Variants in EPHA6 observed in about 807,000 individuals in gnomAD.
EPHA6 encodes the protein ephrin type-A receptor 6.
EPHA6 carries 50 observed loss-of-function variants against 112.0 expected under a neutral mutation model. The observed-to-expected ratio is 0.45, with a 90% CI of 0.36 to 0.56. EPHA6 has a LOEUF of 0.56. Among genes scored for constraint, EPHA6 ranks in the 20% least tolerant of loss-of-function variants. The pLI is 0.00. For synonymous variants in EPHA6, 529 were observed against 490.7 expected, an observed-to-expected ratio of 1.08 and a Z score of -1.03; for missense variants, 1,280 against 1,417.4, an observed-to-expected ratio of 0.90 and a Z score of 1.56.
At chr3:97,496,562 A>T (rs945444885) in intron 10 of EPHA6, among the ~76,000 whole-genome samples, 1 of 152,178 alleles carries the variant, frequency 6.6e-6, no homozygotes, top group Non-Finnish European at 1.5e-5. Context: ...CTTTATATTT[A>T]TGAAGCCATA....
chr3:96,841,286 C>T (rs1161159764), intron 1 of EPHA6, among the ~76,000 whole-genome samples: 2 of 152,120 alleles, frequency 1.3e-5, no homozygotes, highest in African/African-American at 4.8e-5. Context: ...GCATTTATCT[C>T]AGTGCATTAG....
intron 1 of EPHA6, among the ~76,000 whole-genome samples, chr3:96,822,199 T>A (rs1485992650): frequency 6.6e-6 from 1 of 151,978 alleles, no homozygotes; most frequent in African/African-American, 2.4e-5. Flanking sequence ...TTTAATGACA[T>A]CGTGGATGGA....
intron 3 of EPHA6, among the ~76,000 whole-genome samples, chr3:97,097,768 T>C (rs1276127353): frequency 6.6e-6 from 1 of 151,874 alleles, no homozygotes; most frequent in Non-Finnish European, 1.5e-5. Context: ...AATTTAATGC[T>C]AAGAAATGCT....
intron 5 of EPHA6, among the ~76,000 whole-genome samples, chr3:97,403,726 G>T (rs950026102): frequency 2.6e-5 from 4 of 152,178 alleles, no homozygotes; most frequent in African/African-American, 4.8e-5. Context: ...GATTACAGGC[G>T]TGAGCCACCG....
intron 3 of EPHA6, among the ~76,000 whole-genome samples, chr3:97,011,377 G>A (rs1175385127): frequency 1.3e-5 from 2 of 152,174 alleles, no homozygotes; most frequent in African/African-American, 4.8e-5. Context: ...GAAGAAAATT[G>A]AAACTGCCAT....
chr3:97,338,914 A>T (rs149177582), intron 5 of EPHA6, among the ~76,000 whole-genome samples: 3 of 152,264 alleles, frequency 2.0e-5, no homozygotes, highest in Non-Finnish European at 4.4e-5. Context: ...CTCAATCACC[A>T]CTGTGATTAT....
chr3:96,819,046 T>C (rs1576043918), intron 1 of EPHA6, among the ~76,000 whole-genome samples: 1 of 151,988 alleles, frequency 6.6e-6, no homozygotes, highest in East Asian at 1.9e-4. Flanking sequence ...TAATTGTTGT[T>C]TGTTCTGGTC....
intron 13 of EPHA6, among the ~76,000 whole-genome samples, chr3:97,619,057 A>T (rs2093790327): frequency 6.6e-6 from 1 of 152,200 alleles, no homozygotes; most frequent in South Asian, 2.1e-4. Context: ...CAAAGAGCTT[A>T]TCCACCATGA....
At chr3:96,867,273 G>A (rs1342889852) in intron 2 of EPHA6, among the ~76,000 whole-genome samples, 1 of 151,652 alleles carries the variant, frequency 6.6e-6, no homozygotes, top group Non-Finnish European at 1.5e-5. Context: ...AATGGATTGT[G>A]CAAATATTAA....
intron 3 of EPHA6, among the ~76,000 whole-genome samples, chr3:97,226,002 A>AGT (rs371389846): frequency 2.2e-4 from 33 of 151,600 alleles, no homozygotes; most frequent in African/African-American, 6.3e-4. Flanking sequence ...TGCCCGTGTG[A>AGT]GTGTGTGTGT....
chr3:97,369,748 G>T (rs1404373084), intron 5 of EPHA6, among the ~76,000 whole-genome samples: 1 of 152,042 alleles, frequency 6.6e-6, no homozygotes, highest in Non-Finnish European at 1.5e-5. Flanking sequence ...TTTATATACT[G>T]ATAATCAATA....
intron 14 of EPHA6, among the ~76,000 whole-genome samples, chr3:97,718,483 C>T (rs1382332377): frequency 6.6e-6 from 1 of 152,004 alleles, no homozygotes; most frequent in East Asian, 1.9e-4. Flanking sequence ...AAATATGTCT[C>T]ATATAATATT....
In EPHA6 at chr3:97,602,313, T is replaced by C. The variant is rs965275162; in HGVS notation, c.2513-8480T>C. Among the ~76,000 whole-genome samples the C allele has an allele frequency of 7.2e-5, 11 of 152,070 alleles. No individual in the cohort carries two copies. In the East Asian group the frequency reaches 2.1e-3, roughly 29 times the overall value. On this transcript the variant is annotated intron_variant, in intron 12 of 17. Coordinates refer to ENST00000389672, the MANE Select transcript of EPHA6 (RefSeq NM_001080448.3). Reference sequence around the variant, plus strand: ...CCTTAGTACATATTTCCTGTTTGTATAGAACGTTTTACAGCTTTGTAGGCC... The same window carrying C: ...CCTTAGTACATATTTCCTGTTTGTACAGAACGTTTTACAGCTTTGTAGGCC...
chr3:97,322,233 T>A (rs1193636196), intron 5 of EPHA6, among the ~76,000 whole-genome samples: 1 of 152,060 alleles, frequency 6.6e-6, no homozygotes, highest in East Asian at 1.9e-4. Flanking sequence ...ACTATTTGTT[T>A]TTTAAGCCTC....
intron 3 of EPHA6, among the ~76,000 whole-genome samples, chr3:97,145,612 C>T (rs372862671): frequency 1.0e-4 from 15 of 150,724 alleles, no homozygotes; most frequent in African/African-American, 2.2e-4. Context: ...ATTTTTACAA[C>T]GGGAAAATGT....
intron 9 of EPHA6, 73 bp downstream of exon 9, chr3:97,479,437 C>T: frequency 1.0e-6 from 1 of 984,656 alleles, no homozygotes; most frequent in South Asian, 2.0e-5. Context: ...CAAACTGTAT[C>T]TATTGAGTTG....
At chr3:97,467,716 C>A (rs2091102459) in intron 7 of EPHA6, among the ~76,000 whole-genome samples, 2 of 151,834 alleles carry the variant, frequency 1.3e-5, no homozygotes, top group African/African-American at 2.4e-5. Flanking sequence ...GAAATACAGA[C>A]AATTACAAAT....
intron 6 of EPHA6, among the ~76,000 whole-genome samples, chr3:97,410,221 T>G (rs2087624746): frequency 6.6e-6 from 1 of 152,114 alleles, no homozygotes; most frequent in Non-Finnish European, 1.5e-5. Context: ...AATATAGTTT[T>G]TCCACAGATA....
intron 5 of EPHA6, among the ~76,000 whole-genome samples, chr3:97,374,400 C>T (rs938324266): frequency 3.9e-5 from 6 of 152,156 alleles, no homozygotes; most frequent in African/African-American, 1.4e-4. Context: ...CGGTGGACTA[C>T]AGCCTTGGTT....
Sources: allele counts gnomAD v4.1 joint callset (sites outside exome capture counted in the v4.1 genomes callset), GRCh38; gene constraint gnomAD v4.1.1; transcripts MANE v1.5; gene names NCBI Gene and HGNC (gene_info 2026-07-23, HGNC 2026-07-21).